Variants in TMCC1 observed in about 807,000 individuals in gnomAD.
TMCC1 encodes the protein transmembrane and coiled-coil domains protein 1.
Under a neutral mutation model 52.4 loss-of-function variants are expected in TMCC1, and 15 were observed. The observed-to-expected ratio is 0.29, with a 90% CI of 0.19 to 0.44. TMCC1 has a LOEUF of 0.44. Among genes scored for constraint, TMCC1 ranks in the 20% least tolerant of loss-of-function variants. The pLI is 1.00. For synonymous variants in TMCC1, 279 were observed against 301.9 expected (o/e 0.92, Z 0.79); for missense variants, 503 against 806.0 (o/e 0.62, Z 4.55).
intron 4 of TMCC1, among the ~76,000 whole-genome samples, chr3:129,817,626 C>T (rs1040749232): frequency 1.3e-5 from 2 of 152,016 alleles, no homozygotes; most frequent in African/African-American, 2.4e-5. Flanking sequence ...TTCAGAGTGG[C>T]TGAAGTTTCT....
chr3:129,811,959 AAAAG>A (rs1284367428), intron 4 of TMCC1, among the ~76,000 whole-genome samples: 5 of 151,530 alleles, frequency 3.3e-5, no homozygotes, highest in Admixed American at 1.3e-4. Context: ...AAAAAAAAAA[AAAAG>A]AAAGAAAGAA....
chr3:129,653,198 G>C (rs2086451297), intron 6 of TMCC1, among the ~76,000 whole-genome samples: 1 of 152,082 alleles, frequency 6.6e-6, no homozygotes, highest in African/African-American at 2.4e-5. Flanking sequence ...AATATATGCA[G>C]CTAGTTCCCC....
At chr3:129,758,931 T>A (rs1197351331) in intron 4 of TMCC1, among the ~76,000 whole-genome samples, 8 of 152,232 alleles carry the variant, frequency 5.3e-5, no homozygotes. Flanking sequence ...TGTGACTATT[T>A]CATTTAGCAT....
rs1224385455 is a variant in TMCC1 at position 129,649,489 on chromosome 3, A to G, written c.*1992T>C. 1.3e-5 allele frequency: 2 copies of G among 152,474 alleles called. No individual in the cohort carries two copies. Among genetic ancestry groups the G allele is most frequent in the East Asian group, 3.9e-4 (2 of 5,190 alleles). 9.4% of individuals were successfully genotyped at this position (152,474 alleles called of 1,614,324 possible). A position where few individuals can be genotyped will look rare whatever the true frequency, so the allele number is the denominator to read the frequency against. On this transcript the variant is annotated 3_prime_UTR_variant, in exon 7 of 7. Transcript: ENST00000393238. Reference sequence around the variant, plus strand: ...CTCTGGGTGCAGTTTTGAGGGGGCAACAGAGCTAGCAGGTGTACTACAATC... The same window carrying G: ...CTCTGGGTGCAGTTTTGAGGGGGCAGCAGAGCTAGCAGGTGTACTACAATC...
intron 4 of TMCC1, among the ~76,000 whole-genome samples, chr3:129,797,444 A>G (rs145196906): frequency 6.6e-6 from 1 of 152,262 alleles, no homozygotes; most frequent in East Asian, 1.9e-4. Context: ...ACCAAAATGT[A>G]TATATAAAAC....
At chr3:129,760,454 C>CTATGTG (rs2053453789) in intron 4 of TMCC1, among the ~76,000 whole-genome samples, 1 of 128,978 alleles carries the variant, frequency 7.8e-6, no homozygotes, top group Non-Finnish European at 1.6e-5. Flanking sequence ...CAGTCTCGCT[C>CTATGTG]TGTGTGTGTG....
At chr3:129,847,101 T>C (rs777169887) in intron 2 of TMCC1, 2 of 152,104 alleles carry the variant, frequency 1.3e-5, no homozygotes, top group African/African-American at 4.8e-5. Context: ...TGTAATCAGA[T>C]GTAGCCAAAG....
At chr3:129,870,643 G>A (rs761261369) in intron 2 of TMCC1, among the ~76,000 whole-genome samples, 24 of 145,164 alleles carry the variant, frequency 1.7e-4, no homozygotes, top group Non-Finnish European at 3.0e-4. Context: ...GGAGGCTGAG[G>A]CAGGAGAATG....
intron 4 of TMCC1, among the ~76,000 whole-genome samples, chr3:129,806,485 A>T (rs1289393519): frequency 6.6e-6 from 1 of 152,208 alleles, no homozygotes. Context: ...GGAAAACTGG[A>T]GAAAAGACCT....
chr3:129,874,916 C>T (rs1209820524), intron 2 of TMCC1, among the ~76,000 whole-genome samples: 1 of 152,106 alleles, frequency 6.6e-6, no homozygotes, highest in Admixed American at 6.6e-5. Flanking sequence ...GAACCTTTCT[C>T]TTCATAATCA....
rs2086220064 is a variant in TMCC1 at position 129,649,848 on chromosome 3, T to TG, written c.*1632dup. 6.6e-6 allele frequency: 1 copy of TG among 152,426 alleles called. No homozygotes were observed. The highest frequency in any genetic ancestry group is 2.4e-5 in the African/African-American group (1 of 41,434). The allele number at this position is 152,426 out of a possible 1,614,324, so 9.4% of individuals were successfully genotyped here. ...CCAAGCTCTCTAGATAAACTCTAAA[T>TG]GTTCAAGTTCCACCAGGATGATGGA... On this transcript the variant is annotated 3_prime_UTR_variant, in exon 7 of 7. Coordinates refer to ENST00000393238, the MANE Select transcript of TMCC1 (RefSeq NM_001017395.5).
intron 4 of TMCC1, among the ~76,000 whole-genome samples, chr3:129,764,036 C>A (rs1214584994): frequency 1.3e-5 from 2 of 152,056 alleles, no homozygotes; most frequent in African/African-American, 4.8e-5. Flanking sequence ...ATAGATATTA[C>A]AGTGCTTACT....
intron 4 of TMCC1, among the ~76,000 whole-genome samples, chr3:129,684,930 T>C (rs1186229562): frequency 1.3e-5 from 2 of 152,174 alleles, no homozygotes; most frequent in Non-Finnish European, 2.9e-5. Flanking sequence ...TGTAAAACAC[T>C]GAATAAAGGT....
At chr3:129,722,580 A>G (rs1439900964) in intron 4 of TMCC1, among the ~76,000 whole-genome samples, 1 of 152,190 alleles carries the variant, frequency 6.6e-6, no homozygotes, top group African/African-American at 2.4e-5. Flanking sequence ...AATCAATTAA[A>G]AATATTTAAA....
chr3:129,709,538 C>T (rs570652892), intron 4 of TMCC1, among the ~76,000 whole-genome samples: 2 of 143,322 alleles, frequency 1.4e-5, no homozygotes, highest in African/African-American at 5.1e-5. Flanking sequence ...AGGCTAACAC[C>T]ATTTACTTTT....
chr3:129,658,125 T>G (rs1328516032), intron 5 of TMCC1, among the ~76,000 whole-genome samples: 3 of 152,206 alleles, frequency 2.0e-5, no homozygotes, highest in Admixed American at 6.5e-5. Flanking sequence ...TTCACTTTCT[T>G]CCTTTCTCCT....
rs139172631 is a variant in TMCC1 at position 129,656,994 on chromosome 3, G to A, written c.1512-1891C>T. On this transcript the variant is annotated intron_variant, in intron 5 of 6. Coordinates refer to ENST00000393238, the MANE Select transcript of TMCC1 (RefSeq NM_001017395.5). ...TAGCCCACTCTTCTGTGGTGTTTTC[G>A]GTGTTTGATAGTTTCATCATTCTCT... is the stretch of plus-strand genomic sequence containing the variant. 2.4e-3 allele frequency among the ~76,000 whole-genome samples: 364 copies of A among 152,236 alleles called. 3 individuals are homozygous for A. Among genetic ancestry groups the A allele is most frequent in the African/African-American group, 8.0e-3 (333 of 41,506 alleles).
intron 1 of TMCC1, among the ~76,000 whole-genome samples, chr3:129,882,050 A>C (rs1316186168): frequency 6.6e-6 from 1 of 152,228 alleles, no homozygotes; most frequent in Non-Finnish European, 1.5e-5. Context: ...CCAGGGCACA[A>C]CAAAATCAAA....
chr3:129,812,043 T>G (rs2057842435), intron 4 of TMCC1, among the ~76,000 whole-genome samples: 1 of 149,936 alleles, frequency 6.7e-6, no homozygotes, highest in Non-Finnish European at 1.5e-5. Context: ...TTTACCTTTG[T>G]GTTAACAATG....
Sources: allele counts gnomAD v4.1 joint callset (sites outside exome capture counted in the v4.1 genomes callset), GRCh38; gene constraint gnomAD v4.1.1; transcripts MANE v1.5; gene names NCBI Gene and HGNC (gene_info 2026-07-23, HGNC 2026-07-21).